ARL6IP6: variants seen among roughly 807,000 people sequenced by gnomAD.
The protein encoded by ARL6IP6 is ARF like GTPase 6 interacting protein 6, also known as ADP-ribosylation factor-like protein 6-interacting protein 6.
Under a neutral mutation model 21.5 loss-of-function variants are expected in ARL6IP6, and 22 were observed. The observed-to-expected ratio is 1.02, with a 90% CI of 0.73 to 1.46. ARL6IP6 has a LOEUF of 1.46. ARL6IP6 is among the 40% of genes most tolerant of loss of function. ARL6IP6 has a pLI of 0.00. For synonymous variants in ARL6IP6, 164 were observed against 125.3 expected (o/e 1.31, Z -2.06); for missense variants, 388 against 299.8 (o/e 1.29, Z -2.17).
At chr2:152,749,884 C>A (rs573054301) in intron 3 of ARL6IP6, among the ~76,000 whole-genome samples, 1 of 152,156 alleles carries the variant, frequency 6.6e-6, no homozygotes, top group Non-Finnish European at 1.5e-5. Context: ...TCTAAAGAAA[C>A]GTTCTGGTTT....
At chr2:152,737,955 G>A (rs1700627040) in intron 3 of ARL6IP6, among the ~76,000 whole-genome samples, 1 of 152,128 alleles carries the variant, frequency 6.6e-6, no homozygotes, top group South Asian at 2.1e-4. Context: ...TCTCATCTGA[G>A]ACAAGGAAAG....
chr2:152,728,271 A>G (rs1190097605), intron 2 of ARL6IP6, among the ~76,000 whole-genome samples: 3 of 152,236 alleles, frequency 2.0e-5, no homozygotes, highest in Non-Finnish European at 4.4e-5. Flanking sequence ...ACTAGTATAC[A>G]GTCACGTTTA....
intron 2 of ARL6IP6, among the ~76,000 whole-genome samples, chr2:152,721,628 A>G (rs1387287421): frequency 6.6e-6 from 1 of 152,214 alleles, no homozygotes; most frequent in African/African-American, 2.4e-5. Context: ...ATTTGATGTG[A>G]TCACTTTAAA....
At chr2:152,741,196 A>G (rs769289627) in intron 3 of ARL6IP6, among the ~76,000 whole-genome samples, 95 of 152,144 alleles carry the variant, frequency 6.2e-4, no homozygotes, top group Non-Finnish European at 1.0e-3. Flanking sequence ...AAATTCCAAA[A>G]AAGAAAAAGA....
At chr2:152,758,308 T>C (rs1701679513) in intron 3 of ARL6IP6, among the ~76,000 whole-genome samples, 1 of 152,156 alleles carries the variant, frequency 6.6e-6, no homozygotes, top group African/African-American at 2.4e-5. Context: ...ATTTTTTTTT[T>C]CAAAATATAT....
At chr2:152,753,152 AAGC>A (rs1236166471) in intron 3 of ARL6IP6, among the ~76,000 whole-genome samples, 1 of 152,126 alleles carries the variant, frequency 6.6e-6, no homozygotes, top group East Asian at 1.9e-4. Context: ...AAAAAAATAA[AAGC>A]AGGAGACTGA....
chr2:152,732,446 A>G (rs1370626879), intron 2 of ARL6IP6: 2 of 386,376 alleles, frequency 5.2e-6, no homozygotes, highest in African/African-American at 4.3e-5. Context: ...TTCATGTTTT[A>G]ACATTTGTAG....
chr2:152,746,001 C>CTTTTTTTTTTTTTTTTTT (rs67760283), intron 3 of ARL6IP6, among the ~76,000 whole-genome samples: 8 of 66,388 alleles, frequency 1.2e-4, no homozygotes, highest in Non-Finnish European at 1.4e-4. Context: ...TGCTTTGTAC[C>CTTTTTTTTTTTTTTTTTT]TTTTTTTTTT....
intron 2 of ARL6IP6, among the ~76,000 whole-genome samples, chr2:152,731,472 T>C (rs949382426): frequency 2.6e-5 from 4 of 152,198 alleles, no homozygotes; most frequent in Non-Finnish European, 5.9e-5. Flanking sequence ...GCTAGGGTTC[T>C]CAACTCTTCC....
intron 3 of ARL6IP6, among the ~76,000 whole-genome samples, chr2:152,749,965 T>C (rs533772940): frequency 9.1e-4 from 138 of 152,350 alleles, no homozygotes; most frequent in Middle Eastern, 6.8e-3. Context: ...CTTAACAATG[T>C]TGATTTAGCA....
chr2:152,731,786 A>G (rs75550770), intron 2 of ARL6IP6, among the ~76,000 whole-genome samples: 4,868 of 152,176 alleles, frequency 0.032, 122 homozygotes, highest in Non-Finnish European at 0.049. Flanking sequence ...CCTTCCAGAA[A>G]TTTTTTAAAA....
upstream of ARL6IP6, chr2:152,718,491 C>G (rs1399437502): frequency 5.3e-6 from 7 of 1,319,620 alleles, no homozygotes; most frequent in East Asian, 2.6e-5. Flanking sequence ...GCCGCCCACC[C>G]TTGCTCTCCG....
At chr2:152,729,578 AACAC>A (rs1238670826) in intron 2 of ARL6IP6, among the ~76,000 whole-genome samples, 2 of 152,188 alleles carry the variant, frequency 1.3e-5, no homozygotes, top group South Asian at 4.1e-4. Context: ...ATTAAAAAAA[AACAC>A]ACACACAACA....
At chr2:152,736,352 G>A (rs1366652637) in intron 3 of ARL6IP6, among the ~76,000 whole-genome samples, 1 of 152,060 alleles carries the variant, frequency 6.6e-6, no homozygotes, top group Non-Finnish European at 1.5e-5. Flanking sequence ...CTGAATTCTA[G>A]CCACACATTT....
intron 2 of ARL6IP6, among the ~76,000 whole-genome samples, chr2:152,725,891 CT>C (rs1443611598): frequency 6.6e-6 from 1 of 152,054 alleles, no homozygotes; most frequent in Non-Finnish European, 1.5e-5. Flanking sequence ...TTCCTGCTGT[CT>C]TTTTGCTCTC....
intron 3 of ARL6IP6, among the ~76,000 whole-genome samples, chr2:152,745,256 A>G (rs1421590781): frequency 1.3e-5 from 2 of 152,200 alleles, no homozygotes; most frequent in African/African-American, 4.8e-5. Flanking sequence ...CAAATAAAAC[A>G]GTTGAATCAT....
chr2:152,721,646 A>G (rs1226828426), intron 2 of ARL6IP6, among the ~76,000 whole-genome samples: 1 of 152,214 alleles, frequency 6.6e-6, no homozygotes, highest in African/African-American at 2.4e-5. Context: ...AAATTAAATC[A>G]TTTGATTTGA....
chr2:152,723,447 G>A (rs540958700), intron 2 of ARL6IP6, among the ~76,000 whole-genome samples: 1 of 152,092 alleles, frequency 6.6e-6, no homozygotes, highest in Admixed American at 6.5e-5. Context: ...GCCCACACAT[G>A]CTATTATCTT....
intron 3 of ARL6IP6, among the ~76,000 whole-genome samples, chr2:152,751,376 T>G (rs1701322815): frequency 6.6e-6 from 1 of 152,206 alleles, no homozygotes; most frequent in Non-Finnish European, 1.5e-5. Flanking sequence ...TAAAGCTTTC[T>G]GAAAATACGC....
Sources: gnomAD v4.1 joint callset for allele counts (sites outside exome capture counted in the v4.1 genomes callset) on GRCh38, gnomAD v4.1.1 for gene constraint, MANE v1.5 for transcripts, NCBI Gene and HGNC (gene_info 2026-07-23, HGNC 2026-07-21) for gene names.